The following MRPS27 variants were observed in gnomAD, a reference collection of about 807,000 sequenced individuals.
The protein encoded by MRPS27 is mitochondrial ribosomal protein S27.
In MRPS27, 43 loss-of-function variants were observed where a neutral mutation model predicts 48.9. The observed-to-expected ratio is 0.88, with a 90% CI of 0.69 to 1.13. The LOEUF (loss-of-function observed/expected upper bound fraction) is 1.13. MRPS27 is among the 50% of genes most tolerant of loss of function. The probability of loss-of-function intolerance (pLI) is 0.00; values close to 1 mark genes in which losing one functional copy is unlikely to be tolerated. For synonymous variants in MRPS27, 188 were observed against 171.9 expected (o/e 1.09, Z -0.73); for missense variants, 467 against 476.3 (o/e 0.98, Z 0.18).
chr5:72,287,444 G>A (rs1350831855), intron 4 of MRPS27, among the ~76,000 whole-genome samples: 2 of 152,078 alleles, frequency 1.3e-5, no homozygotes, highest in South Asian at 2.1e-4. Context: ...GTTCAAGACC[G>A]GCCTTGCCAA....
At chr5:72,291,944 A>C (rs1225116561) in intron 4 of MRPS27, among the ~76,000 whole-genome samples, 1 of 152,376 alleles carries the variant, frequency 6.6e-6, no homozygotes, top group African/African-American at 2.4e-5. Context: ...TGCTAGTAAT[A>C]TCTGTGCAAG....
chr5:72,272,667 T>C (rs1749277587), intron 4 of MRPS27, among the ~76,000 whole-genome samples: 1 of 152,242 alleles, frequency 6.6e-6, no homozygotes, highest in Non-Finnish European at 1.5e-5. Context: ...GCTGTGAGTA[T>C]GGCTTAGCTG....
chr5:72,307,721 T>C (rs1750311974), intron 2 of MRPS27, among the ~76,000 whole-genome samples: 2 of 152,034 alleles, frequency 1.3e-5, no homozygotes, highest in South Asian at 2.1e-4. Flanking sequence ...CGGTTACCTT[T>C]GGAGAGACTA....
chr5:72,304,371 T>C (rs1750201656), intron 2 of MRPS27, among the ~76,000 whole-genome samples: 1 of 152,182 alleles, frequency 6.6e-6, no homozygotes, highest in Non-Finnish European at 1.5e-5. Context: ...CATGAAATGA[T>C]AATGTAAATA....
intron 4 of MRPS27, among the ~76,000 whole-genome samples, chr5:72,269,822 TC>T (rs1161794916): frequency 6.6e-6 from 1 of 152,148 alleles, no homozygotes; most frequent in Non-Finnish European, 1.5e-5. Flanking sequence ...CAGAAAAATT[TC>T]TTGGGATGGA....
rs1019731259 is a variant in MRPS27 at position 72,254,163 on chromosome 5, A to G, written c.282-16035T>C. ...TTTTTCAAAAAGCTAAGTTTTATCT[A>G]TATTTGAAGGGCCAAGAAGCTAGAG... is the stretch of plus-strand genomic sequence containing the variant. On this transcript the variant is annotated intron_variant, in intron 4 of 10. Transcript: ENST00000261413. Among the ~76,000 whole-genome samples the G allele has an allele frequency of 3.9e-5, 6 of 152,350 alleles. 1 individual carries two copies. The South Asian group carries it at 1.2e-3, about 32-fold the overall frequency.
At position 72,295,352 on chromosome 5, in the gene MRPS27, C is replaced by CA. The variant is rs1749948201; in HGVS notation, c.281+178dup. 3 of 527,956 alleles carry CA rather than the reference C, an allele frequency of 5.7e-6. No homozygotes were observed. In the African/African-American group the frequency reaches 5.9e-5, roughly 10 times the overall value. The allele number at this position is 527,956 out of a possible 1,614,324, so 32.7% of individuals were successfully genotyped here. A position where few individuals can be genotyped will look rare whatever the true frequency, so the allele number is the denominator to read the frequency against. On this transcript the variant is annotated intron_variant, in intron 4 of 10. Coordinates refer to ENST00000261413, the MANE Select transcript of MRPS27 (RefSeq NM_015084.3). ...AGGGAACTGGTTTAAATAATAAACT[C>CA]ACAGTATGGAATAAAATGCAGTTAT...
intron 4 of MRPS27, among the ~76,000 whole-genome samples, chr5:72,287,620 C>T (rs938369273): frequency 5.9e-5 from 9 of 152,188 alleles, no homozygotes; most frequent in Non-Finnish European, 7.3e-5. Context: ...GCCTGCATGA[C>T]AGAGACTCCA....
At chr5:72,304,537 C>T (rs1326079372) in intron 2 of MRPS27, among the ~76,000 whole-genome samples, 1 of 152,102 alleles carries the variant, frequency 6.6e-6, no homozygotes, top group Non-Finnish European at 1.5e-5. Context: ...ATATCAGACA[C>T]AATAGATTAC....
chr5:72,268,146 G>A (rs552455779), intron 4 of MRPS27, among the ~76,000 whole-genome samples: 1 of 152,122 alleles, frequency 6.6e-6, no homozygotes, highest in African/African-American at 2.4e-5. Flanking sequence ...TTTCTTAGGT[G>A]GGGAAAGAGC....
At chr5:72,242,051 T>C (rs1387734413) in intron 4 of MRPS27, among the ~76,000 whole-genome samples, 5 of 152,214 alleles carry the variant, frequency 3.3e-5, no homozygotes, top group Admixed American at 3.3e-4. Context: ...TGTGTATTTC[T>C]TGGAGGAGCA....
rs907794577 is a variant in MRPS27 at position 72,220,015 on chromosome 5, G to A, written c.*894C>T. ...AAAATGGAAATCCAGTGAGTTCATG[G>A]CCTTGAGTTCACTCCTGTCCTGAAT... is the stretch of plus-strand genomic sequence containing the variant. On this transcript the variant is annotated 3_prime_UTR_variant, in exon 11 of 11. Coordinates refer to ENST00000261413, the MANE Select transcript of MRPS27 (RefSeq NM_015084.3). 1.3e-5 allele frequency: 2 copies of A among 152,624 alleles called. No individual in the cohort carries two copies. The highest frequency in any genetic ancestry group is 2.9e-5 in the Non-Finnish European group (2 of 68,038). 9.5% of individuals were successfully genotyped at this position (152,624 alleles called of 1,614,324 possible). A position where few individuals can be genotyped will look rare whatever the true frequency, so the allele number is the denominator to read the frequency against.
chr5:72,297,742 A>T, intron 2 of MRPS27, 40 bp from the exon 3 acceptor site: 3 of 1,373,474 alleles, frequency 2.2e-6, no homozygotes, highest in Non-Finnish European at 3.0e-6. Flanking sequence ...TGTTAAAGAT[A>T]CATATTTTTT....
At chr5:72,269,029 G>A (rs906451513) in intron 4 of MRPS27, among the ~76,000 whole-genome samples, 4 of 152,204 alleles carry the variant, frequency 2.6e-5, no homozygotes, top group African/African-American at 9.6e-5. Flanking sequence ...AAGGAGGGAA[G>A]GGAGGGAATA....
At position 72,221,361 on chromosome 5, in the gene MRPS27, G is replaced by T. The variant is rs550952877; in HGVS notation, c.1006-213C>A. Among the ~76,000 whole-genome samples, 30 of 152,300 alleles carry T rather than the reference G, an allele frequency of 2.0e-4. No individual in the cohort carries two copies. The South Asian group carries it at 3.9e-3, about 20-fold the overall frequency. ...AAAAAAACCATTTTGTTGGGAAATG[G>T]TCATGCTGCCTTTCATTCAGGTGCT... On this transcript the variant is annotated intron_variant, in intron 10 of 10. Transcript: ENST00000261413.
At chr5:72,283,985 C>T in intron 4 of MRPS27, among the ~76,000 whole-genome samples, 1 of 152,034 alleles carries the variant, frequency 6.6e-6, no homozygotes. Context: ...TCTCTATATG[C>T]ATAGACAATT....
intron 4 of MRPS27, among the ~76,000 whole-genome samples, chr5:72,241,878 T>C (rs1387426521): frequency 6.6e-6 from 1 of 152,168 alleles, no homozygotes; most frequent in Non-Finnish European, 1.5e-5. Context: ...GAAGCTTTAT[T>C]ATTGCCTAGG....
intron 1 of MRPS27, among the ~76,000 whole-genome samples, chr5:72,319,537 CTTTTTTTTTTTTTTTT>C (rs35020848): frequency 2.4e-5 from 2 of 84,204 alleles, no homozygotes; most frequent in African/African-American, 1.0e-4. Context: ...TAGGTTTTTC[CTTTTTTTTTTTTTTTT>C]TTTTTTTTGA....
chr5:72,260,578 G>A (rs995569846), intron 4 of MRPS27, among the ~76,000 whole-genome samples: 23 of 152,180 alleles, frequency 1.5e-4, no homozygotes, highest in Admixed American at 5.9e-4. Context: ...AAAGGAAGAG[G>A]GTATCACTTG....
Sources: allele counts gnomAD v4.1 joint callset (sites outside exome capture counted in the v4.1 genomes callset), GRCh38; gene constraint gnomAD v4.1.1; transcripts MANE v1.5; gene names NCBI Gene and HGNC (gene_info 2026-07-23, HGNC 2026-07-21).